Variants in RBM11 observed in about 807,000 individuals in gnomAD.
The protein encoded by RBM11 is splicing regulator RBM11.
Under a neutral mutation model 21.4 loss-of-function variants are expected in RBM11, and 18 were observed. The observed-to-expected ratio is 0.84, with a 90% CI of 0.58 to 1.25. The LOEUF (loss-of-function observed/expected upper bound fraction) is 1.25, where lower values mean the gene tolerates loss of function less well. Ranked by LOEUF, RBM11 falls within the 50% of genes most tolerant of loss-of-function variation. The probability of loss-of-function intolerance (pLI) is 0.00; values close to 1 mark genes in which losing one functional copy is unlikely to be tolerated. For missense variants in RBM11, 294 were observed against 331.9 expected (o/e 0.89, Z 0.89); for synonymous variants, 120 against 116.3 (o/e 1.03, Z -0.20).
Position 14,216,185 on chromosome 21 carries a change from G to C in RBM11, c.-2G>C. 2 of 1,612,810 alleles carry C rather than the reference G, an allele frequency of 1.2e-6. No individual in the cohort carries two copies. The highest frequency in any genetic ancestry group is 1.7e-6 in the Non-Finnish European group (2 of 1,179,284). On this transcript the variant is annotated 5_prime_UTR_variant, in exon 1 of 5. Transcript: ENST00000400577. The stretch of plus-strand genomic sequence containing the variant: ...ACTTCATTCTACGGCCGAGACCGGA[G>C]GATGTTCCCTGCTCAGGAGGAGGCC...
chr21:14,220,952 G>T, intron 2 of RBM11, 145 bp from the exon 3 acceptor site: 1 of 650,426 alleles, frequency 1.5e-6, no homozygotes, highest in Non-Finnish European at 2.5e-6. Context: ...GATTTGAGAG[G>T]TCAGATATGC....
chr21:14,224,329 CA>C, intron 3 of RBM11, 108 bp from the exon 4 acceptor site: 1 of 1,434,372 alleles, frequency 7.0e-7, no homozygotes, highest in Middle Eastern at 2.5e-4. Flanking sequence ...TTCCTCTATG[CA>C]GACAACTTTG....
chr21:14,224,446 A>T lies in RBM11; in HGVS notation c.341A>T (p.Glu114Val). The T allele has an allele frequency of 6.4e-7, 1 of 1,557,580 alleles. No homozygotes were observed. The highest frequency in any genetic ancestry group is 2.4e-5 in the East Asian group (1 of 42,224). ...KINSHNYRNE[E>V]MLVGRSSFPM... Reference sequence around the variant, plus strand: ...CTTTCATCTCCTCAAAGGAATGAAGAAATGTTGGTGGGCAGATCTTCCTTT... The same window carrying T: ...CTTTCATCTCCTCAAAGGAATGAAGTAATGTTGGTGGGCAGATCTTCCTTT... The change falls in exon 4 of 5, where the codon GAA becomes GTA. Residue 114 changes from glutamate (E) to valine (V), a missense_variant. Glu to Val is a moderately radical substitution (Grantham distance 121). This residue lies in a region of RBM11 where 181 missense variants were observed against 164.6 expected (regional missense o/e 1.10). Transcript: ENST00000400577.
rs754955217 is a variant in RBM11, at chr21:14,224,419, T to A, written c.333-19T>A. On this transcript the variant is annotated intron_variant, in intron 3 of 4. Coordinates refer to ENST00000400577, the MANE Select transcript of RBM11 (RefSeq NM_144770.5). ...AGGAATTTTAAGATTTTATTACTTCTTCTTTCATCTCCTCAAAGGAATGAA... is the reference window on the plus strand; with the variant it reads ...AGGAATTTTAAGATTTTATTACTTCATCTTTCATCTCCTCAAAGGAATGAA... 6.5e-6 allele frequency: 10 copies of A among 1,530,628 alleles called. No individual in the cohort carries two copies. The East Asian group carries it at 2.4e-4, about 37-fold the overall frequency. The allele number at this position is 1,530,628 out of a possible 1,614,324, so 94.8% of individuals were successfully genotyped here. A position where few individuals can be genotyped will look rare whatever the true frequency, so the allele number is the denominator to read the frequency against.
chr21:14,216,866 GC>G (rs904295831), intron 1 of RBM11, among the ~76,000 whole-genome samples: 1 of 152,080 alleles, frequency 6.6e-6, no homozygotes, highest in Non-Finnish European at 1.5e-5. Flanking sequence ...CTAGGATTAA[GC>G]CTGCTGTGTC....
At chr21:14,224,023 A>G (rs1333745691) in intron 3 of RBM11, among the ~76,000 whole-genome samples, 1 of 152,126 alleles carries the variant, frequency 6.6e-6, no homozygotes, top group Non-Finnish European at 1.5e-5. Context: ...TTCATAACAA[A>G]CAGAGTACCT....
chr21:14,220,581 A>G (rs1400952838), intron 2 of RBM11, among the ~76,000 whole-genome samples: 1 of 152,110 alleles, frequency 6.6e-6, no homozygotes, highest in African/African-American at 2.4e-5. Context: ...TGGTTGCATC[A>G]TGCTCTCTGG....
chr21:14,217,017 T>C (rs2020461555), intron 1 of RBM11, among the ~76,000 whole-genome samples: 1 of 152,178 alleles, frequency 6.6e-6, no homozygotes, highest in African/African-American at 2.4e-5. Context: ...GGAAAACAAA[T>C]TGACGAGACA....
rs1023697924 is a variant in RBM11, at chr21:14,220,557, T to C, written c.260-540T>C. Among the ~76,000 whole-genome samples, 10 of 152,202 alleles carry C rather than the reference T, an allele frequency of 6.6e-5. 1 individual carries two copies. The highest frequency in any genetic ancestry group is 2.6e-4 in the Admixed American group (4 of 15,264). On this transcript the variant is annotated intron_variant, in intron 2 of 4. Transcript: ENST00000400577. ...CTTTGCATTTCTTTTTTTCTTCCTT[T>C]CTTTTGTAATACATGGTTGCATCAT...
Position 14,216,268 on chromosome 21 carries a change from G to A in RBM11, c.82G>A (p.Glu28Lys), listed in dbSNP as rs1368230180. ...EARVREEILY[E>K]LFLQAGPLTK... ...CCGAGTTCGGGAAGAGATTCTGTAC[G>A]AGCTGTTCCTTCAGGTACCGTCTCT... Residue 28 changes from glutamate to lysine, a missense_variant, in exon 1 of 5, where the codon GAG (glutamate) becomes AAG (lysine). This residue lies in a region of RBM11 where 181 missense variants were observed against 164.6 expected (regional missense o/e 1.10). Transcript: ENST00000400577. 10 of 1,613,436 alleles carry A rather than the reference G, an allele frequency of 6.2e-6. No individual in the cohort carries two copies. The highest frequency in any genetic ancestry group is 8.5e-6 in the Non-Finnish European group (10 of 1,179,712).
chr21:14,219,090 A>G (rs1343390744), intron 1 of RBM11, among the ~76,000 whole-genome samples: 2 of 152,152 alleles, frequency 1.3e-5, no homozygotes. Context: ...TGATAAATTT[A>G]TTTATTCTTG....
intron 1 of RBM11, 98 bp downstream of exon 1, chr21:14,216,380 C>A: frequency 1.0e-6 from 1 of 953,782 alleles, no homozygotes; most frequent in Non-Finnish European, 1.6e-6. Flanking sequence ...CCTTCCGTCC[C>A]ATCCTGAGCA....
Position 14,221,135 on chromosome 21 carries a change from G to C in RBM11, c.298G>C (p.Glu100Gln). ...RSSEPANQSF[E>Q]SCVKINSHNY... ...TTCTGAACCAGCTAACCAAAGTTTT[G>C]AGAGCTGTGTTAAGATAAATTCACA... The change falls in exon 3 of 5, where the codon GAG becomes CAG. Residue 100 changes from glutamate to glutamine, a missense_variant. Physicochemically the swap from Glu to Gln is conservative, Grantham distance 29. Around this residue, in one of 2 missense-constraint regions of RBM11, gnomAD observed 181 missense variants for 164.6 expected, o/e 1.10. Transcript: ENST00000400577. 1 of 1,579,284 alleles carries C rather than the reference G, an allele frequency of 6.3e-7. No homozygotes were observed. Among genetic ancestry groups the C allele is most frequent in the South Asian group, 1.2e-5 (1 of 86,018 alleles).
rs769426814 is a variant in RBM11, at chr21:14,219,631, C to T, written c.165C>T (p.Val55=). 4.8e-5 allele frequency: 77 copies of T among 1,604,586 alleles called. 1 individual carries two copies. Among genetic ancestry groups the T allele is most frequent in the Admixed American group, 2.0e-4 (12 of 59,460 alleles). The change falls in exon 2 of 5, where the codon GTC becomes GTT. Residue 55 remains valine, a synonymous_variant. Coordinates refer to ENST00000400577, the MANE Select transcript of RBM11 (RefSeq NM_144770.5). ...REGKPKSFGF[V]CFKHPESVSY... is the part of the protein sequence containing the mutation. Reference sequence around the variant, plus strand: ...GAAAGCCAAAGTCTTTTGGATTTGTCTGCTTTAAACACCCAGAATCGGTGT... The same window carrying T: ...GAAAGCCAAAGTCTTTTGGATTTGTTTGCTTTAAACACCCAGAATCGGTGT...
In RBM11 at chr21:14,227,341, GA is replaced by G. The variant is rs775095856; in HGVS notation, c.*55del. ...CCTACACTGATCTTAGTTCTCTTAT[GA>G]AAAAAATAAGATGTTATCCCATCAA... On this transcript the variant is annotated 3_prime_UTR_variant, in exon 5 of 5. Coordinates refer to ENST00000400577, the MANE Select transcript of RBM11 (RefSeq NM_144770.5). 2.7e-6 allele frequency: 4 copies of G among 1,507,658 alleles called. No individual in the cohort carries two copies. The South Asian group carries it at 4.0e-5, about 15-fold the overall frequency. 93.4% of individuals were successfully genotyped at this position (1,507,658 alleles called of 1,614,324 possible). A position where few individuals can be genotyped will look rare whatever the true frequency, so the allele number is the denominator to read the frequency against.
chr21:14,218,115 T>C (rs373009290), intron 1 of RBM11, among the ~76,000 whole-genome samples: 1 of 152,178 alleles, frequency 6.6e-6, no homozygotes, highest in Non-Finnish European at 1.5e-5. Flanking sequence ...ATGTATTTCA[T>C]TGTGATTTAA....
rs552466319 is a variant in RBM11, at chr21:14,224,422, T to C, written c.333-16T>C. The C allele has an allele frequency of 5.2e-6, 8 of 1,532,388 alleles. No homozygotes were observed. The East Asian group carries it at 9.7e-5, about 19-fold the overall frequency. 94.9% of individuals were successfully genotyped at this position (1,532,388 alleles called of 1,614,324 possible). A position where few individuals can be genotyped will look rare whatever the true frequency, so the allele number is the denominator to read the frequency against. ...AATTTTAAGATTTTATTACTTCTTC[T>C]TTCATCTCCTCAAAGGAATGAAGAA... On this transcript the variant is annotated splice_polypyrimidine_tract_variant and intron_variant, in intron 3 of 4. Transcript: ENST00000400577.
intron 1 of RBM11, 135 bp downstream of exon 1, chr21:14,216,417 C>T (rs1196311269): frequency 1.4e-6 from 1 of 692,506 alleles, no homozygotes; most frequent in Non-Finnish European, 2.4e-6. Flanking sequence ...TTCCTCTTGG[C>T]GCACCTGTCT....
At chr21:14,224,245 C>T in intron 3 of RBM11, 193 bp from the exon 4 acceptor site, 1 of 751,836 alleles carries the variant, frequency 1.3e-6, no homozygotes, top group South Asian at 2.0e-5. Context: ...TTCTGAGATA[C>T]TGGGATTTAG....
Sources: allele counts gnomAD v4.1 joint callset (sites outside exome capture counted in the v4.1 genomes callset), GRCh38; gene constraint gnomAD v4.1.1; regional missense constraint gnomAD v4.1.1; transcripts MANE v1.5; gene names NCBI Gene and HGNC (gene_info 2026-07-23, HGNC 2026-07-21).